Variants in CWC27 observed in about 807,000 individuals in gnomAD.
The protein encoded by CWC27 is CWC27 spliceosome associated cyclophilin, also known as spliceosome-associated protein CWC27 homolog.
In CWC27, 47 loss-of-function variants were observed where a neutral mutation model predicts 63.6. That is an observed-to-expected ratio of 0.74 (90% CI 0.58 to 0.94). The LOEUF (loss-of-function observed/expected upper bound fraction) is 0.94. CWC27 is among the 40% of genes least tolerant of loss of function. The probability of loss-of-function intolerance (pLI) is 0.00; values close to 1 mark genes in which losing one functional copy is unlikely to be tolerated. For missense variants in CWC27, 495 were observed against 554.3 expected (o/e 0.89, Z 1.07); for synonymous variants, 175 against 179.8 (o/e 0.97, Z 0.22).
intron 11 of CWC27, among the ~76,000 whole-genome samples, chr5:64,938,125 G>A (rs1466983672): frequency 6.6e-6 from 1 of 152,038 alleles, no homozygotes; most frequent in Non-Finnish European, 1.5e-5. Context: ...ATATTGTTAT[G>A]TGTGAATTTG....
chr5:64,772,829 C>G (rs867060286), intron 1 of CWC27, among the ~76,000 whole-genome samples: 2 of 150,250 alleles, frequency 1.3e-5, no homozygotes, highest in Non-Finnish European at 3.0e-5. Context: ...CCCAGCTACT[C>G]GGGAGGCTGA....
chr5:64,972,113 G>A (rs576304770), intron 12 of CWC27, among the ~76,000 whole-genome samples: 88 of 152,156 alleles, frequency 5.8e-4, no homozygotes, highest in African/African-American at 2.1e-3. Context: ...GAACCTCTGT[G>A]TAGTGAATAT....
At chr5:64,978,015 A>G (rs1047689766) in intron 13 of CWC27, among the ~76,000 whole-genome samples, 2 of 152,082 alleles carry the variant, frequency 1.3e-5, no homozygotes, top group African/African-American at 4.8e-5. Flanking sequence ...GAACCATCAC[A>G]TGTGCCATTA....
intron 10 of CWC27, among the ~76,000 whole-genome samples, chr5:64,816,233 G>T (rs1745024005): frequency 6.6e-6 from 1 of 152,108 alleles, no homozygotes; most frequent in South Asian, 2.1e-4. Flanking sequence ...CCCAGGTCAG[G>T]TGTCCACTCA....
chr5:64,826,874 C>T (rs1745377548), intron 10 of CWC27, among the ~76,000 whole-genome samples: 1 of 151,810 alleles, frequency 6.6e-6, no homozygotes, highest in Non-Finnish European at 1.5e-5. Context: ...TTCTTCAGAG[C>T]ATTGTGTGTA....
chr5:64,924,762 G>T (rs554113806), intron 11 of CWC27, among the ~76,000 whole-genome samples: 2 of 152,330 alleles, frequency 1.3e-5, no homozygotes, highest in East Asian at 3.9e-4. Flanking sequence ...GAGGCTAATA[G>T]AGGGAACAGC....
At chr5:64,808,042 G>A in intron 10 of CWC27, 1 of 1,332,012 alleles carries the variant, frequency 7.5e-7, no homozygotes, top group South Asian at 1.7e-5. Context: ...GGAGATTTTT[G>A]TCTCTTTTCT....
chr5:64,885,394 T>G (rs1561446604), intron 10 of CWC27, 49 bp from the exon 11 acceptor site: 3 of 1,335,340 alleles, frequency 2.2e-6, no homozygotes, highest in African/African-American at 3.0e-5. Context: ...GCTAAACAAC[T>G]TTTACTCTCA....
In CWC27 at chr5:64,856,302, T is replaced by C. The variant is rs534684566; in HGVS notation, c.939-29141T>C. Among the ~76,000 whole-genome samples the C allele has an allele frequency of 9.1e-4, 138 of 152,180 alleles. 2 individuals are homozygous for C. The highest frequency in any genetic ancestry group is 3.3e-3 in the East Asian group (17 of 5,194). ...GCTTTAGTAGACTATATTTCAAATGTGAATAGTTTCCCTAGTTAGGAGAAA... is the reference window on the plus strand; with the variant it reads ...GCTTTAGTAGACTATATTTCAAATGCGAATAGTTTCCCTAGTTAGGAGAAA... On this transcript the variant is annotated intron_variant, in intron 10 of 13. Transcript: ENST00000381070.
chr5:64,951,584 TG>T (rs1748709854), intron 11 of CWC27, among the ~76,000 whole-genome samples: 1 of 151,950 alleles, frequency 6.6e-6, no homozygotes, highest in Non-Finnish European at 1.5e-5. Flanking sequence ...TCTGTTTTAT[TG>T]GAGAACATTT....
chr5:64,967,779 A>G (rs187338384), intron 11 of CWC27, among the ~76,000 whole-genome samples: 207 of 152,162 alleles, frequency 1.4e-3, no homozygotes, highest in Non-Finnish European at 2.5e-3. Context: ...GAAATAAATT[A>G]TATATCTTAA....
chr5:64,893,472 A>G (rs1747290764), intron 11 of CWC27, among the ~76,000 whole-genome samples: 1 of 152,228 alleles, frequency 6.6e-6, no homozygotes, highest in African/African-American at 2.4e-5. Context: ...AAAAATGATT[A>G]ATGCAATAGC....
intron 11 of CWC27, among the ~76,000 whole-genome samples, chr5:64,906,386 T>G (rs6864106): frequency 3.9e-5 from 6 of 152,272 alleles, no homozygotes; most frequent in African/African-American, 1.4e-4. Context: ...ATGGTATCTC[T>G]TGGCAGTTTT....
At chr5:64,919,695 T>C (rs909183359) in intron 11 of CWC27, among the ~76,000 whole-genome samples, 1 of 152,236 alleles carries the variant, frequency 6.6e-6, no homozygotes, top group Non-Finnish European at 1.5e-5. Flanking sequence ...TCTCATTCTT[T>C]TTATGGCTGC....
chr5:64,782,062 AT>A (rs1262969999), intron 3 of CWC27, 29 bp downstream of exon 3: 1 of 1,123,704 alleles, frequency 8.9e-7, no homozygotes, highest in Non-Finnish European at 1.3e-6. Context: ...TTTTATTATT[AT>A]TTTTGTTGTT....
intron 11 of CWC27, among the ~76,000 whole-genome samples, chr5:64,888,518 A>G (rs1290234794): frequency 8.0e-6 from 1 of 124,550 alleles, no homozygotes; most frequent in African/African-American, 3.2e-5. Context: ...ATATATTATT[A>G]TTTATTATTA....
chr5:64,953,192 A>G (rs578147473), intron 11 of CWC27, among the ~76,000 whole-genome samples: 2 of 152,230 alleles, frequency 1.3e-5, no homozygotes, highest in African/African-American at 4.8e-5. Context: ...CAGTAACCTT[A>G]AGTTTCTCAG....
chr5:64,900,862 A>G (rs1223902410), intron 11 of CWC27, among the ~76,000 whole-genome samples: 2 of 152,192 alleles, frequency 1.3e-5, no homozygotes, highest in Admixed American at 1.3e-4. Flanking sequence ...ATAGTTTACT[A>G]TACACCTAGG....
chr5:64,968,906 ACTG>A (rs376779460), intron 11 of CWC27, among the ~76,000 whole-genome samples: 69 of 152,282 alleles, frequency 4.5e-4, no homozygotes, highest in African/African-American at 1.6e-3. Flanking sequence ...TAATGAGGTG[ACTG>A]CTATTTCTAA....
Sources: gnomAD v4.1 joint callset for allele counts (sites outside exome capture counted in the v4.1 genomes callset) on GRCh38, gnomAD v4.1.1 for gene constraint, MANE v1.5 for transcripts, NCBI Gene and HGNC (gene_info 2026-07-23, HGNC 2026-07-21) for gene names.